The following SYTL3 variants were observed in gnomAD, a reference collection of about 807,000 sequenced individuals.
SYTL3 encodes the protein synaptotagmin like 3.
In SYTL3, 88 loss-of-function variants were observed where a neutral mutation model predicts 82.1. The observed-to-expected ratio is 1.07, with a 90% confidence interval of 0.90 to 1.28. SYTL3 has a LOEUF of 1.28. SYTL3 is among the 50% of genes most tolerant of loss of function. The pLI, the probability that SYTL3 is intolerant of heterozygous loss-of-function variation, is 0.00. For synonymous variants in SYTL3, 311 were observed against 289.4 expected (o/e 1.07, Z -0.76); for missense variants, 831 against 757.6 (o/e 1.10, Z -1.14).
At chr6:158,697,573 C>T (rs1053398203) in intron 6 of SYTL3, among the ~76,000 whole-genome samples, 1 of 151,994 alleles carries the variant, frequency 6.6e-6, no homozygotes, top group African/African-American at 2.4e-5. Flanking sequence ...AACTTTTGTG[C>T]ATCAAAGGAC....
chr6:158,735,828 A>G (rs2128496733), intron 11 of SYTL3, among the ~76,000 whole-genome samples: 1 of 152,360 alleles, frequency 6.6e-6, no homozygotes, highest in Middle Eastern at 3.4e-3. Context: ...GGTGTAGGGT[A>G]GCAGGCGTTC....
intron 6 of SYTL3, among the ~76,000 whole-genome samples, chr6:158,704,875 A>G: frequency 9.3e-6 from 1 of 107,264 alleles, no homozygotes; most frequent in South Asian, 3.3e-4. Context: ...GGTGACAGTG[A>G]GGGCTGTAAG....
Position 158,764,562 on chromosome 6 carries a change from CA to C in SYTL3, c.1792del (p.Ser598AlafsTer8). 1.9e-6 allele frequency: 3 copies of C among 1,614,120 alleles called. No individual in the cohort carries two copies. The highest frequency in any genetic ancestry group is 2.5e-6 in the Non-Finnish European group (3 of 1,179,994). ...AGCTCCAGTGGCAGAAAGTCCTTTC[CA>C]GCCCCAATCTATGGACAGACATGAC... is the stretch of plus-strand genomic sequence containing the variant. ...SKLQWQKVLS[S>X]PNLWTDMTLV... On this transcript the variant is annotated frameshift_variant, in exon 18 of 18. Transcript: ENST00000611299. LOFTEE classifies it high-confidence loss of function.
chr6:158,719,062 A>T (rs1783764891), intron 10 of SYTL3, among the ~76,000 whole-genome samples: 1 of 152,210 alleles, frequency 6.6e-6, no homozygotes, highest in Non-Finnish European at 1.5e-5. Context: ...CCTCTGTAAA[A>T]TGAAGATGAT....
Position 158,681,713 on chromosome 6 carries a change from C to T in SYTL3, c.330-1212C>T, listed in dbSNP as rs538746352. On this transcript the variant is annotated intron_variant, in intron 5 of 17. Transcript: ENST00000611299. ...AGTTGTCCACTCAGATTTAAGCCCC[C>T]AAATCTCCATCAACACACATTGATC... Among the ~76,000 whole-genome samples the T allele has an allele frequency of 1.6e-3, 237 of 152,248 alleles. 1 individual carries two copies. The highest frequency in any genetic ancestry group is 5.4e-3 in the African/African-American group (223 of 41,528).
chr6:158,702,198 C>G (rs551883842), intron 6 of SYTL3, among the ~76,000 whole-genome samples: 1 of 151,660 alleles, frequency 6.6e-6, no homozygotes. Flanking sequence ...TGGTAACTCA[C>G]GCCTGTAATC....
Position 158,725,758 on chromosome 6 carries a change from A to G in SYTL3, c.855+121A>G, listed in dbSNP as rs563137670. On this transcript the variant is annotated intron_variant, in intron 11 of 17. Transcript: ENST00000611299. ...AAGGTCCTTATTTTTGGAGAACAGC[A>G]AGGCATTTTATTATCCATCCTTCCA... The G allele has an allele frequency of 7.9e-5, 103 of 1,308,668 alleles. 1 individual carries two copies. The South Asian group carries it at 1.2e-3, about 15-fold the overall frequency. 81.1% of individuals were successfully genotyped at this position (1,308,668 alleles called of 1,614,324 possible). A position where few individuals can be genotyped will look rare whatever the true frequency, so the allele number is the denominator to read the frequency against.
intron 16 of SYTL3, 130 bp downstream of exon 16, chr6:158,762,308 C>G: frequency 1.5e-6 from 1 of 669,956 alleles, no homozygotes; most frequent in Non-Finnish European, 2.5e-6. Flanking sequence ...CTATGAAAAT[C>G]TAACAACACA....
chr6:158,670,246 A>G (rs894239923), intron 5 of SYTL3, among the ~76,000 whole-genome samples: 7 of 152,232 alleles, frequency 4.6e-5, no homozygotes, highest in Non-Finnish European at 1.0e-4. Flanking sequence ...AAAGGCAAAT[A>G]ACTAGTGTAT....
chr6:158,676,038 G>A (rs2128394023), intron 5 of SYTL3, among the ~76,000 whole-genome samples: 1 of 152,294 alleles, frequency 6.6e-6, no homozygotes. Flanking sequence ...TTTCTTCACA[G>A]AATTGGAAAA....
intron 11 of SYTL3, among the ~76,000 whole-genome samples, chr6:158,735,023 C>G (rs952611325): frequency 6.6e-6 from 1 of 152,086 alleles, no homozygotes; most frequent in African/African-American, 2.4e-5. Context: ...GAGTCCATAC[C>G]GGGGAGTCCA....
intron 5 of SYTL3, among the ~76,000 whole-genome samples, chr6:158,681,611 G>A (rs1218662120): frequency 2.0e-5 from 3 of 152,168 alleles, no homozygotes; most frequent in Non-Finnish European, 2.9e-5. Context: ...CCACGAGGGG[G>A]AGATTGAAGT....
At chr6:158,757,423 TGATA>T (rs751591137) in intron 14 of SYTL3, 42 bp downstream of exon 14, 101 of 1,596,498 alleles carry the variant, frequency 6.3e-5, no homozygotes, top group Non-Finnish European at 7.8e-5. Flanking sequence ...ATCCCCACTG[TGATA>T]GATAAATAAC....
chr6:158,753,373 C>T (rs943455551), intron 13 of SYTL3, among the ~76,000 whole-genome samples: 7 of 152,086 alleles, frequency 4.6e-5, no homozygotes, highest in South Asian at 2.1e-4. Context: ...TGAGCCACCA[C>T]GCCAGGCCTA....
rs115315857 is a variant in SYTL3, at chr6:158,710,712, C to T, written c.516+2321C>T. 8.3e-3 allele frequency among the ~76,000 whole-genome samples: 1,256 copies of T among 150,758 alleles called. 14 individuals carry two copies. The highest frequency in any genetic ancestry group is 0.028 in the African/African-American group (1,160 of 41,184). Reference sequence around the variant, plus strand: ...TGTATTTTTTTTGCCTGTGTTTTTACTTCTAAGATCTTTGAAACACTTGCT... The same window carrying T: ...TGTATTTTTTTTGCCTGTGTTTTTATTTCTAAGATCTTTGAAACACTTGCT... On this transcript the variant is annotated intron_variant, in intron 8 of 17. Transcript: ENST00000611299.
intron 6 of SYTL3, among the ~76,000 whole-genome samples, chr6:158,700,429 A>G (rs1446391130): frequency 6.6e-6 from 1 of 151,652 alleles, no homozygotes; most frequent in African/African-American, 2.4e-5. Flanking sequence ...ACTTATTCTT[A>G]TCTCTCTCGA....
intron 5 of SYTL3, among the ~76,000 whole-genome samples, chr6:158,679,339 C>T (rs1026534698): frequency 6.6e-6 from 1 of 151,888 alleles, no homozygotes; most frequent in Non-Finnish European, 1.5e-5. Context: ...CACTGCACTC[C>T]AGCCTGGGCG....
chr6:158,670,022 C>G (rs1777184822), intron 5 of SYTL3, among the ~76,000 whole-genome samples: 1 of 152,324 alleles, frequency 6.6e-6, no homozygotes, highest in South Asian at 2.1e-4. Context: ...GATATTGTTA[C>G]AGGATGATGC....
chr6:158,718,778 C>T (rs535649105), intron 10 of SYTL3, among the ~76,000 whole-genome samples: 90 of 152,328 alleles, frequency 5.9e-4, no homozygotes, highest in Non-Finnish European at 1.1e-3. Flanking sequence ...TGAGAGAGAG[C>T]CAACCTTAGA....
Sources: gnomAD v4.1 joint callset for allele counts (sites outside exome capture counted in the v4.1 genomes callset) on GRCh38, gnomAD v4.1.1 for gene constraint, MANE v1.5 for transcripts, NCBI Gene and HGNC (gene_info 2026-07-23, HGNC 2026-07-21) for gene names.